The following CPLANE1 variants were observed in gnomAD, a reference collection of about 807,000 sequenced individuals.
CPLANE1 encodes the protein ciliogenesis and planar polarity effector 1.
Under a neutral mutation model 362.5 loss-of-function variants are expected in CPLANE1, and 263 were observed. The ratio of observed to expected loss-of-function variants is 0.73; its 90% CI spans 0.66 to 0.80. The LOEUF (loss-of-function observed/expected upper bound fraction) is 0.80. CPLANE1 is among the 30% of genes least tolerant of loss of function. CPLANE1 has a pLI of 0.00. For synonymous variants in CPLANE1, 1,212 were observed against 1,302.6 expected, an observed-to-expected ratio of 0.93 and a Z score of 1.50; for missense variants, 3,461 against 3,793.4, an observed-to-expected ratio of 0.91 and a Z score of 2.30.
Position 37,244,722 on chromosome 5 carries a change from G to A in CPLANE1, c.338-115C>T. ...AAAAACAAATAATGTTACCATTCAG[G>A]ATGTCAAAACTAAGGCACTAGCAAA... On this transcript the variant is annotated intron_variant, in intron 4 of 52. Transcript: ENST00000651892. 4.2e-6 allele frequency: 3 copies of A among 721,462 alleles called. 1 individual carries two copies. In the African/African-American group the frequency reaches 5.4e-5, roughly 13 times the overall value. The allele number at this position is 721,462 out of a possible 1,614,324, so 44.7% of individuals were successfully genotyped here. A position where few individuals can be genotyped will look rare whatever the true frequency, so the allele number is the denominator to read the frequency against.
At chr5:37,114,292 T>C (rs1760251116) in intron 51 of CPLANE1, among the ~76,000 whole-genome samples, 1 of 152,214 alleles carries the variant, frequency 6.6e-6, no homozygotes, top group African/African-American at 2.4e-5. Flanking sequence ...ACTATTGTTA[T>C]TGTTTTAAGG....
At chr5:37,230,312 T>C (rs983412918) in intron 9 of CPLANE1, among the ~76,000 whole-genome samples, 1 of 150,550 alleles carries the variant, frequency 6.6e-6, no homozygotes, top group African/African-American at 2.4e-5. Context: ...CAAAGCCAAA[T>C]TGCTACTTCA....
At position 37,178,179 on chromosome 5, in the gene CPLANE1, C is replaced by T. The variant is rs543413747; in HGVS notation, c.5821-479G>A. Among the ~76,000 whole-genome samples the T allele has an allele frequency of 7.2e-5, 11 of 152,194 alleles. No individual in the cohort carries two copies. The South Asian group carries it at 2.3e-3, about 32-fold the overall frequency. On this transcript the variant is annotated intron_variant, in intron 29 of 52. Transcript: ENST00000651892. ...GCATGGTGGCGCATACCTGTAGTCC[C>T]AGCTACTTGGGAGGCTGAGGCAGAA...
At chr5:37,102,783 G>A (rs1045331195), downstream of CPLANE1, among the ~76,000 whole-genome samples, 3 of 152,074 alleles carry the variant, frequency 2.0e-5, no homozygotes, top group African/African-American at 7.2e-5. Flanking sequence ...TTTGATTTCA[G>A]TTCTTTTGCA....
chr5:37,225,882 A>AT (rs1796373044), intron 12 of CPLANE1, among the ~76,000 whole-genome samples: 1 of 148,204 alleles, frequency 6.7e-6, no homozygotes, highest in South Asian at 2.1e-4. Context: ...AAAAGAGGTC[A>AT]TTTTTTAACA....
chr5:37,184,818 TCAACCGA>T lies in CPLANE1; in HGVS notation c.4444_4450del (p.Ser1482LysfsTer6), dbSNP rs1192476995. The T allele has an allele frequency of 6.2e-7, 1 of 1,612,312 alleles. No homozygotes were observed. Among genetic ancestry groups the T allele is most frequent in the Admixed American group, 1.7e-5 (1 of 59,616 alleles). On this transcript the variant is annotated frameshift_variant, in exon 25 of 53. Coordinates refer to ENST00000651892, the MANE Select transcript of CPLANE1 (RefSeq NM_001384732.1). ...ATAGATATTTATCCTACTTTTTTCT[TCAACCGA>T]CAAAGCTTCAGAGAACGTATCTGCA...
chr5:37,227,435 T>A (rs931594538), intron 10 of CPLANE1, 43 bp from the exon 11 acceptor site: 2 of 1,505,386 alleles, frequency 1.3e-6, no homozygotes, highest in Non-Finnish European at 1.8e-6. Context: ...CAAAATGTTA[T>A]CTGTAATTCT....
chr5:37,078,903 G>T, the CPLANE1 span, among the ~76,000 whole-genome samples: 9 of 151,852 alleles, frequency 5.9e-5, no homozygotes, highest in African/African-American at 1.9e-4. Flanking sequence ...TTTTAATGGG[G>T]TTTTTTCTTG....
At position 37,157,435 on chromosome 5, in the gene CPLANE1, A is replaced by C. The variant is rs1775444436; in HGVS notation, c.8012-15T>G. ...TGGAGTTACTTCTGCAGGTTTAGAA[A>C]ATAAATCCATAGAGGAATTGGCTGA... On this transcript the variant is annotated splice_polypyrimidine_tract_variant and intron_variant, in intron 40 of 52. Coordinates refer to ENST00000651892, the MANE Select transcript of CPLANE1 (RefSeq NM_001384732.1). 1 of 1,495,034 alleles carries C rather than the reference A, an allele frequency of 6.7e-7. No homozygotes were observed. Among genetic ancestry groups the C allele is most frequent in the Non-Finnish European group, 9.0e-7 (1 of 1,110,678 alleles). The allele number at this position is 1,495,034 out of a possible 1,614,324, so 92.6% of individuals were successfully genotyped here.
Position 37,195,941 on chromosome 5 carries a change from T to C in CPLANE1, c.3728A>G (p.Asn1243Ser), listed in dbSNP as rs1384765402. ...SLSPFPQSLL[N>S]YCKGGIAFFR... is the part of the protein sequence containing the mutation. ...AAATGCGATACCTCCTTTACAGTAATTAAGTAATGACTGAGGAAAAGGACT... is the reference window on the plus strand; with the variant it reads ...AAATGCGATACCTCCTTTACAGTAACTAAGTAATGACTGAGGAAAAGGACT... Residue 1243 changes from asparagine (N) to serine (S), a missense_variant, in exon 21 of 53, where the codon AAT becomes AGT. Coordinates refer to ENST00000651892, the MANE Select transcript of CPLANE1 (RefSeq NM_001384732.1). 2.5e-6 allele frequency: 4 copies of C among 1,612,354 alleles called. No homozygotes were observed. The highest frequency in any genetic ancestry group is 3.4e-6 in the Non-Finnish European group (4 of 1,179,394).
Position 37,108,485 on chromosome 5 carries a change from A to C in CPLANE1, c.9401-14T>G. On this transcript the variant is annotated splice_polypyrimidine_tract_variant and intron_variant, in intron 51 of 52. Transcript: ENST00000651892. The stretch of plus-strand genomic sequence containing the variant: ...GAGCATTAGAGCCTTTTAAGGGATA[A>C]GAACAAAGCACACATTGGGATTGAT... 1 of 1,598,764 alleles carries C rather than the reference A, an allele frequency of 6.3e-7. No individual in the cohort carries two copies. Among genetic ancestry groups the C allele is most frequent in the Non-Finnish European group, 8.5e-7 (1 of 1,173,774 alleles).
At chr5:37,125,565 C>A (rs1266797934) in intron 46 of CPLANE1, 156 bp from the exon 47 acceptor site, 2 of 627,892 alleles carry the variant, frequency 3.2e-6, no homozygotes, top group Non-Finnish European at 2.7e-6. Flanking sequence ...CAATTTGTTA[C>A]CTGAACTCCA....
chr5:37,227,010 T>C lies in CPLANE1; in HGVS notation c.1585A>G (p.Asn529Asp). The change falls in exon 12 of 53, where the codon AAC (asparagine) becomes GAC (aspartate). Residue 529 changes from asparagine (N) to aspartate (D), a missense_variant. Physicochemically the swap from Asn to Asp is conservative, Grantham distance 23 (BLOSUM62 1). Transcript: ENST00000651892. ...CTACACAGCACATCATCTCTTTTGTTCCAAAAAGGACATAAGTTGTCTGGA... is the reference window on the plus strand; with the variant it reads ...CTACACAGCACATCATCTCTTTTGTCCCAAAAAGGACATAAGTTGTCTGGA... ...HFPDNLCPFW[N>D]KRDDVLCSSM... 4 of 1,549,820 alleles carry C rather than the reference T, an allele frequency of 2.6e-6. No homozygotes were observed. Among genetic ancestry groups the C allele is most frequent in the Non-Finnish European group, 3.5e-6 (4 of 1,146,542 alleles).
intron 9 of CPLANE1, among the ~76,000 whole-genome samples, chr5:37,228,047 T>C (rs187698121): frequency 1.3e-5 from 2 of 152,284 alleles, no homozygotes; most frequent in Admixed American, 1.3e-4. Flanking sequence ...GTAGCATTTA[T>C]TCTATTTTGT....
intron 44 of CPLANE1, chr5:37,141,501 C>T: frequency 2.0e-6 from 2 of 984,064 alleles, no homozygotes; most frequent in Non-Finnish European, 2.4e-6. Flanking sequence ...CTAGAAAGAA[C>T]TGAGAAAATA....
chr5:37,128,423 T>G (rs1453186413), intron 46 of CPLANE1, among the ~76,000 whole-genome samples: 2 of 152,244 alleles, frequency 1.3e-5, no homozygotes, highest in Non-Finnish European at 2.9e-5. Context: ...TGCGTGCAGA[T>G]GGTGTCACCT....
intron 42 of CPLANE1, among the ~76,000 whole-genome samples, chr5:37,150,263 T>A (rs773341223): frequency 4.6e-5 from 7 of 152,206 alleles, no homozygotes; most frequent in Non-Finnish European, 1.0e-4. Flanking sequence ...TCAAGTCTTG[T>A]TGAATACTCA....
chr5:37,180,868 T>C lies in CPLANE1; in HGVS notation c.5559A>G (p.Gln1853=), dbSNP rs1782496509. 3 of 1,614,002 alleles carry C rather than the reference T, an allele frequency of 1.9e-6. No homozygotes were observed. In the African/African-American group the frequency reaches 4.0e-5, roughly 22 times the overall value. The change falls in exon 27 of 53, where the codon CAA becomes CAG. Residue 1853 remains glutamine (Q), a synonymous_variant. Transcript: ENST00000651892. Reference sequence around the variant, plus strand: ...AATCGGCAACTTACTTCAAGATATTTTGACAAGATTTATTCTGACCATTTC... The same window carrying C: ...AATCGGCAACTTACTTCAAGATATTCTGACAAGATTTATTCTGACCATTTC... ...EERNGQNKSC[Q]NILNRMPTEA...
rs72736756 is a variant in CPLANE1 at position 37,179,872 on chromosome 5, A to C, written c.5737+145T>G. The C allele has an allele frequency of 0.033, 14,829 of 452,112 alleles. 342 individuals are homozygous for C. Among genetic ancestry groups the C allele is most frequent in the Middle Eastern group, 0.094 (148 of 1,572 alleles). 28.0% of individuals were successfully genotyped at this position (452,112 alleles called of 1,614,324 possible). On this transcript the variant is annotated intron_variant, in intron 28 of 52. Transcript: ENST00000651892. Reference sequence around the variant, plus strand: ...GAGTTAATATGCTCAATATTTCATAAATATTTAATTCTCTTAATTTTTTAT... The same window carrying C: ...GAGTTAATATGCTCAATATTTCATACATATTTAATTCTCTTAATTTTTTAT...
Sources: allele counts gnomAD v4.1 joint callset (sites outside exome capture counted in the v4.1 genomes callset), GRCh38; gene constraint gnomAD v4.1.1; transcripts MANE v1.5; gene names NCBI Gene and HGNC (gene_info 2026-07-23, HGNC 2026-07-21).